The following CLVS1 variants were observed in gnomAD, a reference collection of about 807,000 sequenced individuals.
The protein encoded by CLVS1 is clavesin-1.
A neutral mutation model predicts 33.1 loss-of-function variants in CLVS1; 10 were observed. The observed-to-expected ratio is 0.30, with a 90% CI of 0.19 to 0.51. CLVS1 has a LOEUF of 0.51. Among genes scored for constraint, CLVS1 ranks in the 20% least tolerant of loss-of-function variants. CLVS1 has a pLI of 0.97. For missense variants in CLVS1, 343 were observed against 433.4 expected (o/e 0.79, Z 1.85); for synonymous variants, 163 against 166.1 (o/e 0.98, Z 0.14).
chr8:61,255,209 T>C (rs1035939435), intron 2 of CLVS1, among the ~76,000 whole-genome samples: 14 of 152,218 alleles, frequency 9.2e-5, no homozygotes, highest in African/African-American at 2.2e-4. Context: ...TTGGAATTCC[T>C]TTTAAAAGAA....
intron 2 of CLVS1, among the ~76,000 whole-genome samples, chr8:61,182,252 A>G (rs1357656369): frequency 2.6e-5 from 4 of 152,214 alleles, no homozygotes; most frequent in Non-Finnish European, 5.9e-5. Flanking sequence ...AGGCAATACC[A>G]TTCAGGACAT....
intron 1 of CLVS1, among the ~76,000 whole-genome samples, chr8:61,057,899 G>A (rs1326154438): frequency 6.6e-6 from 1 of 152,216 alleles, no homozygotes; most frequent in Non-Finnish European, 1.5e-5. Flanking sequence ...CTGTAAGGAA[G>A]GAGCATGACA....
intron 4 of CLVS1, among the ~76,000 whole-genome samples, chr8:61,457,356 A>G (rs1817205802): frequency 6.6e-6 from 1 of 152,162 alleles, no homozygotes; most frequent in Middle Eastern, 3.2e-3. Flanking sequence ...TGCCTGCAAC[A>G]TGAAGAAGTG....
intron 1 of CLVS1, among the ~76,000 whole-genome samples, chr8:61,066,244 C>A (rs1804675896): frequency 6.6e-6 from 1 of 152,104 alleles, no homozygotes; most frequent in Non-Finnish European, 1.5e-5. Context: ...ACCTGTAATC[C>A]CAACACTTTG....
intron 3 of CLVS1, among the ~76,000 whole-genome samples, chr8:61,433,102 T>C (rs7819584): frequency 0.86 from 130,241 of 152,164 alleles, 55,906 homozygotes; most frequent in Middle Eastern, 0.93. Context: ...TATAGGCACA[T>C]GCCACCACAC....
chr8:61,213,614 C>G (rs933074308), intron 2 of CLVS1, among the ~76,000 whole-genome samples: 4 of 152,018 alleles, frequency 2.6e-5, no homozygotes, highest in Non-Finnish European at 5.9e-5. Context: ...TATCACTTCC[C>G]CAATCAATAC....
At chr8:61,383,383 A>G (rs757586164) in intron 3 of CLVS1, among the ~76,000 whole-genome samples, 3 of 152,262 alleles carry the variant, frequency 2.0e-5, no homozygotes, top group Non-Finnish European at 2.9e-5. Flanking sequence ...AGTAACATTT[A>G]TAGCATCTTT....
intron 1 of CLVS1, among the ~76,000 whole-genome samples, chr8:61,063,315 T>G (rs1804619889): frequency 1.0e-5 from 1 of 99,428 alleles, no homozygotes; most frequent in Admixed American, 9.6e-5. Flanking sequence ...GAGAGAACAG[T>G]CATTTTCCTG....
chr8:61,222,364 A>G (rs1808235447), intron 2 of CLVS1, among the ~76,000 whole-genome samples: 2 of 152,072 alleles, frequency 1.3e-5, no homozygotes, highest in Non-Finnish European at 2.9e-5. Context: ...TGTGTCCCAG[A>G]GATTCTGGTA....
At chr8:61,453,415 A>G (rs1165086148) in intron 3 of CLVS1, among the ~76,000 whole-genome samples, 1 of 152,108 alleles carries the variant, frequency 6.6e-6, no homozygotes, top group Non-Finnish European at 1.5e-5. Flanking sequence ...TTTTTCTTAA[A>G]TGCTCTTACT....
intron 2 of CLVS1, among the ~76,000 whole-genome samples, chr8:61,141,248 C>G (rs1334018986): frequency 6.6e-6 from 1 of 151,988 alleles, no homozygotes; most frequent in Non-Finnish European, 1.5e-5. Flanking sequence ...CTTTCTTGTC[C>G]TTCTCCCACT....
chr8:61,019,868 G>T, the CLVS1 span, among the ~76,000 whole-genome samples: 4 of 152,176 alleles, frequency 2.6e-5, no homozygotes, highest in African/African-American at 7.2e-5. Flanking sequence ...GATACAGTCA[G>T]ATTCTGCCTT....
At chr8:61,473,074 A>T (rs1347611354) in intron 5 of CLVS1, among the ~76,000 whole-genome samples, 2 of 152,078 alleles carry the variant, frequency 1.3e-5, no homozygotes, top group Non-Finnish European at 2.9e-5. Context: ...AACGAGGAGG[A>T]TCCTAACCTA....
chr8:61,139,176 G>T (rs1806253601), intron 2 of CLVS1, among the ~76,000 whole-genome samples: 1 of 152,134 alleles, frequency 6.6e-6, no homozygotes, highest in African/African-American at 2.4e-5. Context: ...GGGGCTCATC[G>T]CCTGGCGCCG....
chr8:61,222,405 G>C lies in CLVS1; in HGVS notation c.-151-77272G>C, dbSNP rs193118209. ...TCTCTTTTTTCTCATGAATTTCAAA[G>C]AATTTCTTGATTTCTGCCTTAATTA... On this transcript the variant is annotated intron_variant, in intron 2 of 2. Transcript: ENST00000522621. Among the ~76,000 whole-genome samples the C allele has an allele frequency of 3.7e-3, 565 of 152,214 alleles. 3 individuals carry two copies. Among genetic ancestry groups the C allele is most frequent in the African/African-American group, 0.013 (536 of 41,554 alleles).
intron 2 of CLVS1, among the ~76,000 whole-genome samples, chr8:61,229,146 G>C (rs1808385295): frequency 6.6e-6 from 1 of 152,128 alleles, no homozygotes; most frequent in African/African-American, 2.4e-5. Context: ...TGTCTATTTA[G>C]GTCAAGTTTC....
intron 3 of CLVS1, among the ~76,000 whole-genome samples, chr8:61,426,821 A>G (rs917607988): frequency 6.6e-6 from 1 of 152,154 alleles, no homozygotes; most frequent in African/African-American, 2.4e-5. Context: ...TCTTTTTTCC[A>G]TAGGCTGTGA....
intron 2 of CLVS1, among the ~76,000 whole-genome samples, chr8:61,142,544 T>C (rs1301187419): frequency 6.6e-6 from 1 of 152,204 alleles, no homozygotes; most frequent in Non-Finnish European, 1.5e-5. Flanking sequence ...GAAGAAACAA[T>C]GCCCGCCTCT....
At position 61,195,667 on chromosome 8, in the gene CLVS1, T is replaced by A. The variant is rs527312379; in HGVS notation, c.-152+63807T>A. Among the ~76,000 whole-genome samples the A allele has an allele frequency of 1.2e-4, 19 of 152,158 alleles. No homozygotes were observed. In the South Asian group the frequency reaches 3.9e-3, roughly 32 times the overall value. On this transcript the variant is annotated intron_variant, in intron 2 of 2. Coordinates refer to the CLVS1 transcript ENST00000522621. ...ATGAGCTCCTGAAAGTTTGGAAGTA[T>A]CAGATGAAAATATATGAGAAATTAT...
Sources: allele counts gnomAD v4.1 joint callset (sites outside exome capture counted in the v4.1 genomes callset), GRCh38; gene constraint gnomAD v4.1.1; transcripts MANE v1.5; gene names NCBI Gene and HGNC (gene_info 2026-07-23, HGNC 2026-07-21).